Variants in CRACDL observed in about 807,000 individuals in gnomAD.
CRACDL encodes the protein CRACD like.
In CRACDL, 26 loss-of-function variants were observed where a neutral mutation model predicts 70.6. The observed-to-expected ratio is 0.37, with a 90% CI of 0.27 to 0.51. The LOEUF (loss-of-function observed/expected upper bound fraction) is 0.51. Ranked by LOEUF, CRACDL falls within the 20% of genes least tolerant of loss-of-function variation. CRACDL has a pLI of 0.94. For missense variants in CRACDL, 1,283 were observed against 1,376.9 expected (o/e 0.93, Z 1.08); for synonymous variants, 618 against 615.2 (o/e 1.00, Z -0.07).
In CRACDL at chr2:98,822,185, C is replaced by G; in HGVS notation, c.2088G>C (p.Arg696Ser). The change falls in exon 7 of 10, where the codon AGG becomes AGC. Residue 696 changes from arginine to serine, a missense_variant. Transcript: ENST00000397899. This position sits in a 1 kb window ranked among gnomAD's most constrained non-coding sequence, Gnocchi z 4.9. ...CCTTCACCTCCTGAGAGGCGCCATC[C>G]CTGTATTTGAGCGAGAGGGAGGTGG... ...LRSTSLSLKY[R>S]DGASQEVKGV... 6.2e-7 allele frequency: 1 copy of G among 1,611,494 alleles called. No homozygotes were observed. The highest frequency in any genetic ancestry group is 2.2e-5 in the East Asian group (1 of 44,818).
chr2:98,824,902 T>A (rs1432419372), intron 6 of CRACDL, among the ~76,000 whole-genome samples: 1 of 152,218 alleles, frequency 6.6e-6, no homozygotes, highest in African/African-American at 2.4e-5. Context: ...GCAGGTTCTT[T>A]ACTTTGCCAT....
At chr2:98,802,361 T>C (rs1704116352) in intron 7 of CRACDL, among the ~76,000 whole-genome samples, 1 of 152,226 alleles carries the variant, frequency 6.6e-6, no homozygotes, top group Non-Finnish European at 1.5e-5. Flanking sequence ...CTGCCCGAGA[T>C]GAGAGCCGTT....
At chr2:98,808,248 G>C (rs1704402424) in intron 7 of CRACDL, among the ~76,000 whole-genome samples, 1 of 152,190 alleles carries the variant, frequency 6.6e-6, no homozygotes, top group African/African-American at 2.4e-5. Context: ...CTAAGTTTGA[G>C]AAGCGCCGCT....
At chr2:98,847,949 C>T (rs1270175512) in intron 1 of CRACDL, among the ~76,000 whole-genome samples, 1 of 152,186 alleles carries the variant, frequency 6.6e-6, no homozygotes, top group African/African-American at 2.4e-5. Context: ...ATCCTCCCTA[C>T]CAGCCAATCC....
intron 3 of CRACDL, among the ~76,000 whole-genome samples, chr2:98,837,442 G>A (rs988324188): frequency 6.6e-6 from 1 of 151,500 alleles, no homozygotes; most frequent in African/African-American, 2.4e-5. Context: ...TCCTTAAAGG[G>A]CCAGCGTTGT....
At chr2:98,806,564 C>T (rs1704304314) in intron 7 of CRACDL, among the ~76,000 whole-genome samples, 1 of 152,236 alleles carries the variant, frequency 6.6e-6, no homozygotes, top group Admixed American at 6.5e-5. Flanking sequence ...ACTGAAAGCA[C>T]ACTTGCTAAA....
At chr2:98,933,704 G>C (rs1014688448) in intron 1 of CRACDL, among the ~76,000 whole-genome samples, 4 of 152,100 alleles carry the variant, frequency 2.6e-5, no homozygotes, top group African/African-American at 9.7e-5. Context: ...GTCAAATCCA[G>C]GCCCACCAGG....
In CRACDL at chr2:98,822,266, G is replaced by C. The variant is rs1705081902; in HGVS notation, c.2007C>G (p.Ala669=). The C allele has an allele frequency of 6.3e-7, 1 of 1,588,086 alleles. No individual in the cohort carries two copies. Among genetic ancestry groups the C allele is most frequent in the Non-Finnish European group, 8.5e-7 (1 of 1,173,986 alleles). The change falls in exon 7 of 10, where the codon GCC becomes GCG. Residue 669 remains alanine (A), a synonymous_variant. Coordinates refer to ENST00000397899, the MANE Select transcript of CRACDL (RefSeq NM_207362.3). The surrounding 1 kb of genome is among the most constrained non-coding windows in gnomAD (Gnocchi z 4.9). ...AAPGTREPCP[A]AQEPAPSEDR... ...CCTCACTCGGGGCCGGCTCCTGGGC[G>C]GCTGGGCAGGGCTCTCTCGTGCCGG...
intron 9 of CRACDL, among the ~76,000 whole-genome samples, chr2:98,795,529 T>C (rs1252313725): frequency 2.6e-5 from 4 of 152,170 alleles, no homozygotes; most frequent in Non-Finnish European, 2.9e-5. Flanking sequence ...ACAGAGTAGA[T>C]TAGTGGTTGC....
At chr2:98,909,986 G>A (rs75252157) in intron 1 of CRACDL, among the ~76,000 whole-genome samples, 9,858 of 152,150 alleles carry the variant, frequency 0.065, 732 homozygotes, top group South Asian at 0.19. Flanking sequence ...CCACCCCTCC[G>A]GATTAGTACA....
At chr2:98,814,767 G>A (rs61311613) in intron 7 of CRACDL, among the ~76,000 whole-genome samples, 3,136 of 152,154 alleles carry the variant, frequency 0.021, 64 homozygotes, top group East Asian at 0.093. Flanking sequence ...ACTGACAGAG[G>A]AGTGCTAAAG....
chr2:98,907,955 C>G (rs1232309864), intron 1 of CRACDL, among the ~76,000 whole-genome samples: 1 of 152,156 alleles, frequency 6.6e-6, no homozygotes, highest in Non-Finnish European at 1.5e-5. Flanking sequence ...TGTTTCTGCA[C>G]GTGTTAAACA....
chr2:98,877,727 A>C (rs113062554), intron 1 of CRACDL, among the ~76,000 whole-genome samples: 18,811 of 151,894 alleles, frequency 0.12, 1,581 homozygotes, highest in Admixed American at 0.24. Flanking sequence ...CCAGCCTGGG[A>C]AACACAGTGG....
intron 1 of CRACDL, among the ~76,000 whole-genome samples, chr2:98,935,446 C>T (rs1243263096): frequency 6.6e-6 from 1 of 152,176 alleles, no homozygotes; most frequent in Non-Finnish European, 1.5e-5. Flanking sequence ...TAGATCAACT[C>T]CAGAATCCCT....
chr2:98,802,083 A>T (rs184935383), intron 7 of CRACDL, among the ~76,000 whole-genome samples: 259 of 152,352 alleles, frequency 1.7e-3, no homozygotes, highest in African/African-American at 5.8e-3. Flanking sequence ...AACATCGTCC[A>T]CGGGTTCCAG....
chr2:98,933,990 C>T (rs1334475568), intron 1 of CRACDL, among the ~76,000 whole-genome samples: 4 of 152,186 alleles, frequency 2.6e-5, no homozygotes, highest in African/African-American at 7.2e-5. Context: ...GTGGAAGGGA[C>T]GAGCGAGCTC....
In CRACDL at chr2:98,822,965, C is replaced by T. The variant is rs775374471; in HGVS notation, c.1308G>A (p.Pro436=). ...SARDGPERSV[P]KEAEPTPPVL... is the part of the protein sequence containing the mutation. ...CGGGCGGCGTCGGCTCCGCTTCCTTCGGGACACTGCGTTCTGGCCCGTCGC... is the reference window on the plus strand; with the variant it reads ...CGGGCGGCGTCGGCTCCGCTTCCTTTGGGACACTGCGTTCTGGCCCGTCGC... The change falls in exon 7 of 10, where the codon CCG becomes CCA. Residue 436 remains proline, a synonymous_variant. Coordinates refer to ENST00000397899, the MANE Select transcript of CRACDL (RefSeq NM_207362.3). This position sits in a 1 kb window ranked among gnomAD's most constrained non-coding sequence, Gnocchi z 4.9. 5 of 1,480,640 alleles carry T rather than the reference C, an allele frequency of 3.4e-6. 1 individual carries two copies. Among genetic ancestry groups the T allele is most frequent in the South Asian group, 1.3e-5 (1 of 75,776 alleles). The allele number at this position is 1,480,640 out of a possible 1,614,324, so 91.7% of individuals were successfully genotyped here. A position where few individuals can be genotyped will look rare whatever the true frequency, so the allele number is the denominator to read the frequency against.
intron 1 of CRACDL, among the ~76,000 whole-genome samples, chr2:98,887,847 T>C (rs899878629): frequency 6.6e-6 from 1 of 152,228 alleles, no homozygotes; most frequent in African/African-American, 2.4e-5. Flanking sequence ...TGAGATGAAC[T>C]ATCCAGGCTG....
chr2:98,806,084 T>C lies in CRACDL; in HGVS notation c.2417-8547A>G, dbSNP rs541617653. ...AGCATTTATTTACGAGGGCCTCATA[T>C]GGTAGTATATCCATCATGGGGTGGG... On this transcript the variant is annotated intron_variant, in intron 7 of 9. Coordinates refer to ENST00000397899, the MANE Select transcript of CRACDL (RefSeq NM_207362.3). Among the ~76,000 whole-genome samples, 752 of 152,324 alleles carry C rather than the reference T, an allele frequency of 4.9e-3. 1 individual carries two copies. The highest frequency in any genetic ancestry group is 0.016 in the African/African-American group (674 of 41,566).
Sources: allele counts gnomAD v4.1 joint callset (sites outside exome capture counted in the v4.1 genomes callset), GRCh38; gene constraint gnomAD v4.1.1; non-coding constraint Gnocchi (gnomAD v3.1); transcripts MANE v1.5; gene names NCBI Gene and HGNC (gene_info 2026-07-23, HGNC 2026-07-21).